Variants in OTUD7A observed in about 807,000 individuals in gnomAD.
OTUD7A encodes OTU domain-containing protein 7A.
Under a neutral mutation model 65.7 loss-of-function variants are expected in OTUD7A, and 12 were observed. That is an observed-to-expected ratio of 0.18 (90% CI 0.12 to 0.30). The LOEUF is 0.30. Ranked by LOEUF, OTUD7A falls within the 10% of genes least tolerant of loss-of-function variation. OTUD7A has a pLI of 1.00. For missense variants in OTUD7A, 1,148 were observed against 1,304.8 expected (o/e 0.88, Z 1.85); for synonymous variants, 641 against 586.3 (o/e 1.09, Z -1.35).
rs1895121470 is a variant in OTUD7A, at chr15:31,767,499, G to A, written c.-100+103008C>T. The A allele has an allele frequency of 5.2e-6, 4 of 772,594 alleles. No individual in the cohort carries two copies. In the Admixed American group the frequency reaches 6.8e-5, roughly 13 times the overall value. 47.9% of individuals were successfully genotyped at this position (772,594 alleles called of 1,614,324 possible). ...TAATACCCAGTGAGGGAGGTCATCT[G>A]ATTTGTTTTGTAGTATAACTACTCC... is the stretch of plus-strand genomic sequence containing the variant. On this transcript the variant is annotated intron_variant, in intron 1 of 12. Transcript: ENST00000307050.
At chr15:31,772,816 G>A (rs992476981) in intron 1 of OTUD7A, among the ~76,000 whole-genome samples, 11 of 151,988 alleles carry the variant, frequency 7.2e-5, no homozygotes, top group South Asian at 4.2e-4. Flanking sequence ...ATATCTAGAC[G>A]TGCTATCTTA....
intron 3 of OTUD7A, among the ~76,000 whole-genome samples, chr15:31,631,252 C>T (rs1208311263): frequency 1.3e-5 from 2 of 152,122 alleles, no homozygotes; most frequent in Non-Finnish European, 2.9e-5. Flanking sequence ...ATGTTAAGTT[C>T]TTCCTTTAAG....
intron 1 of OTUD7A, among the ~76,000 whole-genome samples, chr15:31,685,151 A>T (rs916922201): frequency 2.0e-5 from 3 of 152,240 alleles, no homozygotes; most frequent in Admixed American, 6.5e-5. Flanking sequence ...AGTGTGACAA[A>T]TATTTATCTA....
intron 1 of OTUD7A, among the ~76,000 whole-genome samples, chr15:31,697,989 T>C (rs1365900285): frequency 6.6e-6 from 1 of 152,158 alleles, no homozygotes; most frequent in African/African-American, 2.4e-5. Flanking sequence ...CTGCTACTGC[T>C]CATCAGGCAG....
At position 31,619,459 on chromosome 15, in the gene OTUD7A, T is replaced by A. The variant is rs143603597; in HGVS notation, c.151+35637A>T. Among the ~76,000 whole-genome samples, 536 of 152,294 alleles carry A rather than the reference T, an allele frequency of 3.5e-3. 5 individuals carry two copies. The highest frequency in any genetic ancestry group is 0.012 in the African/African-American group (519 of 41,564). On this transcript the variant is annotated intron_variant, in intron 3 of 12. Transcript: ENST00000307050. Reference sequence around the variant, plus strand: ...TCCTCTTTTATTTCATTGAGTGGTTTGTAGTTCTCCCTGAAGAGGTCCTTC... The same window carrying A: ...TCCTCTTTTATTTCATTGAGTGGTTAGTAGTTCTCCCTGAAGAGGTCCTTC...
chr15:31,693,083 T>C (rs2141319545), intron 1 of OTUD7A, among the ~76,000 whole-genome samples: 1 of 152,274 alleles, frequency 6.6e-6, no homozygotes, highest in Admixed American at 6.5e-5. Flanking sequence ...GCAGGAGAGA[T>C]GCTCAGGCCA....
chr15:31,846,295 C>T (rs777188381), intron 1 of OTUD7A, among the ~76,000 whole-genome samples: 1 of 152,214 alleles, frequency 6.6e-6, no homozygotes, highest in South Asian at 2.1e-4. Flanking sequence ...CAGTCTAGAG[C>T]CTGTGGCCCA....
intron 3 of OTUD7A, among the ~76,000 whole-genome samples, chr15:31,610,788 A>G (rs551345487): frequency 6.6e-6 from 1 of 150,964 alleles, no homozygotes; most frequent in South Asian, 2.1e-4. Flanking sequence ...CGCCTGGCTA[A>G]TTTTTTGTAT....
rs2041251897 is a variant in OTUD7A, at chr15:31,487,321, CCTTATAGCA to C, written c.1287-52_1287-44del. On this transcript the variant is annotated intron_variant, in intron 11 of 12. Transcript: ENST00000307050. The surrounding 1 kb of genome is among the most constrained non-coding windows in gnomAD (Gnocchi z 6.0). ...TCCTATTGAAATGGTCTGAGCTGGC[CCTTATAGCA>C]CCCAGTCCACTTGCATGCCAGCTGT... 1.9e-6 allele frequency: 3 copies of C among 1,603,416 alleles called. 1 individual carries two copies. In the Admixed American group the frequency reaches 5.0e-5, roughly 27 times the overall value.
At chr15:31,825,720 C>A (rs1194318971) in intron 1 of OTUD7A, among the ~76,000 whole-genome samples, 2 of 152,224 alleles carry the variant, frequency 1.3e-5, no homozygotes, top group Non-Finnish European at 2.9e-5. Context: ...AAGTCCCTTC[C>A]ACCTATTAGC....
At chr15:31,769,401 G>C (rs567198606) in intron 1 of OTUD7A, among the ~76,000 whole-genome samples, 1 of 152,152 alleles carries the variant, frequency 6.6e-6, no homozygotes, top group Non-Finnish European at 1.5e-5. Context: ...AATACAGTTG[G>C]GCAGTTTTTA....
chr15:31,664,180 A>G (rs1161019557), intron 1 of OTUD7A, among the ~76,000 whole-genome samples: 4 of 152,098 alleles, frequency 2.6e-5, no homozygotes, highest in Admixed American at 2.6e-4. Flanking sequence ...TCCTCTGGGT[A>G]GATACCAAGT....
chr15:31,855,909 T>C (rs893093197), intron 1 of OTUD7A, among the ~76,000 whole-genome samples: 7 of 152,202 alleles, frequency 4.6e-5, no homozygotes, highest in Non-Finnish European at 1.0e-4. Context: ...CCATCTCTTG[T>C]TCCTGGGCAC....
At chr15:31,868,450 C>T (rs899990473) in intron 1 of OTUD7A, among the ~76,000 whole-genome samples, 1 of 152,100 alleles carries the variant, frequency 6.6e-6, no homozygotes, top group African/African-American at 2.4e-5. Flanking sequence ...CAATGCAGAC[C>T]CTGAAAAACC....
intron 1 of OTUD7A, among the ~76,000 whole-genome samples, chr15:31,694,892 T>C (rs1001888726): frequency 1.3e-5 from 2 of 152,048 alleles, no homozygotes. Flanking sequence ...GTCGCCCAGG[T>C]TGGAGTGCAG....
At chr15:31,820,794 T>C (rs899097525) in intron 1 of OTUD7A, among the ~76,000 whole-genome samples, 2 of 152,198 alleles carry the variant, frequency 1.3e-5, no homozygotes, top group African/African-American at 4.8e-5. Flanking sequence ...ACCAGCTTTA[T>C]TAAGATATAA....
intron 1 of OTUD7A, among the ~76,000 whole-genome samples, chr15:31,787,342 G>A (rs550814965): frequency 4.6e-5 from 7 of 152,074 alleles, no homozygotes; most frequent in Non-Finnish European, 8.8e-5. Flanking sequence ...TTTCTAATAC[G>A]AATTATAAAT....
At chr15:31,868,285 A>T (rs1355407610) in intron 1 of OTUD7A, among the ~76,000 whole-genome samples, 1 of 152,210 alleles carries the variant, frequency 6.6e-6, no homozygotes, top group African/African-American at 2.4e-5. Flanking sequence ...CCCATACCTA[A>T]AGATTTAGTG....
rs534266321 is a variant in OTUD7A at position 31,533,470 on chromosome 15, C to T, written c.551-2662G>A. 5.5e-4 allele frequency among the ~76,000 whole-genome samples: 83 copies of T among 152,286 alleles called. 3 individuals are homozygous for T. In the East Asian group the frequency reaches 0.012, roughly 22 times the overall value. ...CAGGCTAGTCTCGAACTCCTGACCT[C>T]AAGTGATCTGCCTGCGTTGGCCTCT... On this transcript the variant is annotated intron_variant, in intron 5 of 12. Coordinates refer to ENST00000307050, the MANE Select transcript of OTUD7A (RefSeq NM_001382637.1).
Sources: gnomAD v4.1 joint callset for allele counts (sites outside exome capture counted in the v4.1 genomes callset) on GRCh38, gnomAD v4.1.1 for gene constraint, Gnocchi (gnomAD v3.1) non-coding constraint, MANE v1.5 for transcripts, NCBI Gene and HGNC (gene_info 2026-07-23, HGNC 2026-07-21) for gene names.